PNLIPRP3: variants seen among roughly 807,000 people sequenced by gnomAD.
The protein encoded by PNLIPRP3 is pancreatic lipase related protein 3.
A neutral mutation model predicts 52.8 loss-of-function variants in PNLIPRP3; 58 were observed. The observed-to-expected ratio is 1.10, with a 90% confidence interval of 0.89 to 1.37. The LOEUF (loss-of-function observed/expected upper bound fraction) is 1.37. Ranked by LOEUF, PNLIPRP3 falls within the 40% of genes most tolerant of loss-of-function variation. The pLI, the probability that PNLIPRP3 is intolerant of heterozygous loss-of-function variation, is 0.00. For synonymous variants in PNLIPRP3, 192 were observed against 185.0 expected (o/e 1.04, Z -0.31); for missense variants, 593 against 561.6 (o/e 1.06, Z -0.57).
intron 1 of PNLIPRP3, among the ~76,000 whole-genome samples, chr10:116,434,625 G>T (rs757699309): frequency 6.6e-6 from 1 of 152,028 alleles, no homozygotes; most frequent in Non-Finnish European, 1.5e-5. Flanking sequence ...CCTGGTAAGC[G>T]ATAAACATAG....
At chr10:116,442,477 G>A (rs896674391) in intron 2 of PNLIPRP3, among the ~76,000 whole-genome samples, 4 of 152,160 alleles carry the variant, frequency 2.6e-5, no homozygotes, top group African/African-American at 9.7e-5. Flanking sequence ...CTGAAACTAT[G>A]ATTTAAACTT....
At chr10:116,445,438 A>G (rs1431770912) in intron 4 of PNLIPRP3, among the ~76,000 whole-genome samples, 2 of 152,148 alleles carry the variant, frequency 1.3e-5, no homozygotes, top group African/African-American at 2.4e-5. Context: ...CCAAAGACTC[A>G]TTTATGCCCC....
intron 8 of PNLIPRP3, among the ~76,000 whole-genome samples, chr10:116,468,391 T>G (rs936440216): frequency 4.6e-5 from 7 of 152,218 alleles, no homozygotes; most frequent in African/African-American, 1.7e-4. Flanking sequence ...CAAGTCATCC[T>G]GATTTTCCAG....
intron 2 of PNLIPRP3, among the ~76,000 whole-genome samples, chr10:116,440,764 C>T (rs1845846280): frequency 1.3e-5 from 2 of 152,146 alleles, no homozygotes; most frequent in Admixed American, 1.3e-4. Flanking sequence ...GACACCTTAA[C>T]CTAGAGTGAC....
At chr10:116,435,445 C>CAAAAA (rs35013184) in intron 1 of PNLIPRP3, among the ~76,000 whole-genome samples, 1 of 141,536 alleles carries the variant, frequency 7.1e-6, no homozygotes, top group African/African-American at 2.6e-5. Context: ...ATAAATGAGC[C>CAAAAA]AAAAAAAAAA....
Position 116,469,230 on chromosome 10 carries a change from C to T in PNLIPRP3, c.973C>T (p.His325Tyr). 1.2e-6 allele frequency: 2 copies of T among 1,612,274 alleles called. No homozygotes were observed. Among genetic ancestry groups the T allele is most frequent in the Non-Finnish European group, 1.7e-6 (2 of 1,179,312 alleles). Residue 325 changes from histidine (H) to tyrosine (Y), a missense_variant, in exon 9 of 12, where the codon CAT becomes TAT. Coordinates refer to ENST00000369230, the MANE Select transcript of PNLIPRP3 (RefSeq NM_001011709.3). ...CAAAGAAGGTTGCCCAACAATGGGT[C>T]ATTTTGCTGATAGATTTCACTTCAA... is the stretch of plus-strand genomic sequence containing the variant. ...CSKEGCPTMG[H>Y]FADRFHFKNM... is the part of the protein sequence containing the mutation.
At chr10:116,445,547 T>C (rs527817210) in intron 4 of PNLIPRP3, among the ~76,000 whole-genome samples, 89 of 82,588 alleles carry the variant, frequency 1.1e-3, no homozygotes, top group African/African-American at 2.8e-3. Flanking sequence ...TTCATCTTCA[T>C]CTTCTCTTTA....
rs147077329 is a variant in PNLIPRP3 at position 116,436,963 on chromosome 10, T to C, written c.204+98T>C. The C allele has an allele frequency of 7.0e-4, 837 of 1,202,124 alleles. 11 individuals carry two copies. The African/African-American group carries it at 0.012, about 17-fold the overall frequency. 74.5% of individuals were successfully genotyped at this position (1,202,124 alleles called of 1,614,324 possible). A position where few individuals can be genotyped will look rare whatever the true frequency, so the allele number is the denominator to read the frequency against. Reference sequence around the variant, plus strand: ...AGATACAGTAACCTATTCTGACATATGCTATTGACTTAAATGCAAACATTT... The same window carrying C: ...AGATACAGTAACCTATTCTGACATACGCTATTGACTTAAATGCAAACATTT... On this transcript the variant is annotated intron_variant, in intron 2 of 11. Coordinates refer to ENST00000369230, the MANE Select transcript of PNLIPRP3 (RefSeq NM_001011709.3).
rs1002420352 is a variant in PNLIPRP3, at chr10:116,456,599, G to A, written c.565+769G>A. The stretch of plus-strand genomic sequence containing the variant: ...TTTTAATATTATCCCTGGATATACC[G>A]TTAAGTCTAAAAATAAGTTGCGGAG... On this transcript the variant is annotated intron_variant, in intron 5 of 11. Coordinates refer to ENST00000369230, the MANE Select transcript of PNLIPRP3 (RefSeq NM_001011709.3). Among the ~76,000 whole-genome samples the A allele has an allele frequency of 1.6e-4, 25 of 152,182 alleles. 1 individual carries two copies. The highest frequency in any genetic ancestry group is 5.9e-5 in the Non-Finnish European group (4 of 68,028).
chr10:116,461,145 T>C, intron 6 of PNLIPRP3, 23 bp from the exon 7 acceptor site: 1 of 1,614,218 alleles, frequency 6.2e-7, no homozygotes, highest in Non-Finnish European at 8.5e-7. Flanking sequence ...TAGAGGCATT[T>C]ACCCTGTTTT....
intron 5 of PNLIPRP3, among the ~76,000 whole-genome samples, chr10:116,459,683 C>A (rs758335385): frequency 9.9e-5 from 15 of 152,210 alleles, no homozygotes; most frequent in Non-Finnish European, 2.1e-4. Context: ...AGGCCGTGTA[C>A]TTCTCTGTCC....
intron 11 of PNLIPRP3, 120 bp downstream of exon 11, chr10:116,476,939 A>G (rs879181447): frequency 5.7e-5 from 72 of 1,262,838 alleles, no homozygotes; most frequent in Non-Finnish European, 7.3e-5. Context: ...AAATTTTGCA[A>G]TTAAAGAAAG....
chr10:116,443,745 ATGTGTGTGTGTGTGTGTGTATG>A (rs1312834026), intron 3 of PNLIPRP3, among the ~76,000 whole-genome samples: 1 of 35,188 alleles, frequency 2.8e-5, no homozygotes, highest in African/African-American at 6.8e-5. Flanking sequence ...CTAATTACTA[ATGTGTGTGTGTGTGTGTGTATG>A]TGTGTGTGTG....
chr10:116,452,158 G>T (rs1246566766), intron 4 of PNLIPRP3, among the ~76,000 whole-genome samples: 4 of 152,176 alleles, frequency 2.6e-5, no homozygotes, highest in Non-Finnish European at 5.9e-5. Context: ...ACACCCTGGG[G>T]ATCTGTGGTA....
chr10:116,475,996 G>C (rs944827462), intron 10 of PNLIPRP3, among the ~76,000 whole-genome samples: 2 of 152,124 alleles, frequency 1.3e-5, no homozygotes, highest in Non-Finnish European at 2.9e-5. Context: ...ATGTTGGTTT[G>C]GGTGCCACGA....
chr10:116,448,931 G>A (rs1023993198), intron 4 of PNLIPRP3, among the ~76,000 whole-genome samples: 2 of 150,808 alleles, frequency 1.3e-5, no homozygotes, highest in African/African-American at 4.9e-5. Context: ...CAGGACAATT[G>A]CTTGAACCTG....
chr10:116,458,263 AC>A (rs1464279483), intron 5 of PNLIPRP3, among the ~76,000 whole-genome samples: 1 of 152,204 alleles, frequency 6.6e-6, no homozygotes, highest in African/African-American at 2.4e-5. Context: ...AAATACACAT[AC>A]ATACTACACA....
In PNLIPRP3 at chr10:116,466,046, A is replaced by G; in HGVS notation, c.809-4A>G. 1 of 1,603,592 alleles carries G rather than the reference A, an allele frequency of 6.2e-7. No homozygotes were observed. The highest frequency in any genetic ancestry group is 2.2e-5 in the East Asian group (1 of 44,804). ...TATCAGTTAATTGGGAATTGTTTTC[A>G]CAGAAATGGCTTCCTTCTTTGACTG... On this transcript the variant is annotated splice_region_variant and splice_polypyrimidine_tract_variant and intron_variant, in intron 7 of 11. Transcript: ENST00000369230.
chr10:116,433,391 G>A (rs1460718639), intron 1 of PNLIPRP3, among the ~76,000 whole-genome samples: 2 of 151,924 alleles, frequency 1.3e-5, no homozygotes, highest in African/African-American at 4.8e-5. Flanking sequence ...AATATGCATA[G>A]GACACAAAGA....
Sources: allele counts gnomAD v4.1 joint callset (sites outside exome capture counted in the v4.1 genomes callset), GRCh38; gene constraint gnomAD v4.1.1; transcripts MANE v1.5; gene names NCBI Gene and HGNC (gene_info 2026-07-23, HGNC 2026-07-21).